Variants in PTPRM observed in about 807,000 individuals in gnomAD.
PTPRM encodes the protein receptor-type tyrosine-protein phosphatase mu.
Under a neutral mutation model 186.7 loss-of-function variants are expected in PTPRM, and 47 were observed. The ratio of observed to expected loss-of-function variants is 0.25; its 90% confidence interval spans 0.20 to 0.32. The LOEUF (loss-of-function observed/expected upper bound fraction) is 0.32, where lower values mean the gene tolerates loss of function less well. PTPRM is among the 10% of genes least tolerant of loss of function. PTPRM has a pLI of 1.00. For missense variants in PTPRM, 1,494 were observed against 1,865.0 expected, an observed-to-expected ratio of 0.80 and a Z score of 3.66; for synonymous variants, 668 against 674.9, an observed-to-expected ratio of 0.99 and a Z score of 0.16.
chr18:8,290,349 C>G (rs555346101), intron 19 of PTPRM, among the ~76,000 whole-genome samples: 35 of 152,250 alleles, frequency 2.3e-4, no homozygotes, highest in Non-Finnish European at 3.8e-4. Flanking sequence ...TATGTACGGC[C>G]TTGACCTGCA....
intron 7 of PTPRM, among the ~76,000 whole-genome samples, chr18:8,044,767 A>AG (rs986921826): frequency 6.6e-6 from 1 of 151,234 alleles, no homozygotes; most frequent in Non-Finnish European, 1.5e-5. Flanking sequence ...AAAAAAAAAA[A>AG]AAAAAAGAAA....
At chr18:8,018,712 C>G (rs1182728786) in intron 7 of PTPRM, among the ~76,000 whole-genome samples, 1 of 151,992 alleles carries the variant, frequency 6.6e-6, no homozygotes, top group African/African-American at 2.4e-5. Flanking sequence ...TTTCTTTCAA[C>G]CTTTATATAT....
intron 23 of PTPRM, among the ~76,000 whole-genome samples, chr18:8,346,764 C>T (rs1402232727): frequency 6.6e-6 from 1 of 151,320 alleles, no homozygotes; most frequent in Non-Finnish European, 1.5e-5. Context: ...TTGTTCCGCA[C>T]ACCAAATCTA....
At chr18:7,906,629 ATGTT>A (rs1567996066) in intron 4 of PTPRM, 46 bp downstream of exon 4, 9 of 1,409,316 alleles carry the variant, frequency 6.4e-6, no homozygotes, top group Non-Finnish European at 9.1e-6. Flanking sequence ...CATTGGGGGC[ATGTT>A]TACATTATGA....
chr18:7,648,727 G>A (rs1415563123), intron 1 of PTPRM, among the ~76,000 whole-genome samples: 1 of 152,208 alleles, frequency 6.6e-6, no homozygotes, highest in African/African-American at 2.4e-5. Context: ...CTGGAAGCTA[G>A]CAGAGTTTGG....
At chr18:8,270,373 G>A (rs954263729) in intron 19 of PTPRM, 1 of 152,038 alleles carries the variant, frequency 6.6e-6, no homozygotes, top group African/African-American at 2.4e-5. Context: ...AAACCACAAT[G>A]AGATATCACC....
intron 2 of PTPRM, among the ~76,000 whole-genome samples, chr18:7,781,733 T>A (rs191396775): frequency 6.6e-6 from 1 of 152,366 alleles, no homozygotes; most frequent in Non-Finnish European, 1.5e-5. Context: ...ACACATTTCC[T>A]TTATAACCAA....
At chr18:8,320,077 C>G (rs1369149385) in intron 22 of PTPRM, among the ~76,000 whole-genome samples, 1 of 152,062 alleles carries the variant, frequency 6.6e-6, no homozygotes, top group Non-Finnish European at 1.5e-5. Flanking sequence ...CAGAGAAGAC[C>G]CAGCTAAGGC....
chr18:8,348,320 C>T (rs2095516483), intron 23 of PTPRM, among the ~76,000 whole-genome samples: 1 of 152,240 alleles, frequency 6.6e-6, no homozygotes, highest in African/African-American at 2.4e-5. Context: ...GTTGGAGCCG[C>T]CAGGAGACCT....
At chr18:7,636,646 C>T (rs1170503213) in intron 1 of PTPRM, among the ~76,000 whole-genome samples, 9 of 152,024 alleles carry the variant, frequency 5.9e-5, no homozygotes, top group Middle Eastern at 3.2e-3. Flanking sequence ...ACAGAGGAGG[C>T]GCGTGCTACA....
chr18:7,705,305 A>ATCTGTCTGTCTGTCTG (rs1568040980), intron 1 of PTPRM, among the ~76,000 whole-genome samples: 31 of 151,454 alleles, frequency 2.0e-4, no homozygotes, highest in African/African-American at 7.1e-4. Flanking sequence ...CTATCTATCT[A>ATCTGTCTGTCTGTCTG]TCTATCTATC....
At chr18:8,114,700 T>C in intron 12 of PTPRM, 91 bp from the exon 13 acceptor site, 1 of 1,006,188 alleles carries the variant, frequency 9.9e-7, no homozygotes, top group Non-Finnish European at 1.5e-6. Context: ...GATCCTTCCT[T>C]ATCAGTGCTA....
rs183425674 is a variant in PTPRM, at chr18:8,214,544, A to G, written c.2301-29514A>G. ...ATAGTATTCTATGTTTTCTTTATCT[A>G]TTAATGGGTTTTTCTTCTTATCTGC... On this transcript the variant is annotated intron_variant, in intron 14 of 32. Transcript: ENST00000580170. Among the ~76,000 whole-genome samples the G allele has an allele frequency of 2.9e-3, 438 of 152,246 alleles. 4 individuals carry two copies. Among genetic ancestry groups the G allele is most frequent in the African/African-American group, 1.0e-2 (414 of 41,552 alleles).
intron 1 of PTPRM, among the ~76,000 whole-genome samples, chr18:7,647,587 A>T (rs1159167405): frequency 6.6e-6 from 1 of 152,280 alleles, no homozygotes; most frequent in Non-Finnish European, 1.5e-5. Context: ...TGATATAGTC[A>T]GAACTGCTCT....
intron 7 of PTPRM, among the ~76,000 whole-genome samples, chr18:7,980,186 TGAG>T (rs2082471280): frequency 6.6e-6 from 1 of 152,174 alleles, no homozygotes; most frequent in Admixed American, 6.5e-5. Context: ...GAATTGCCCT[TGAG>T]TCTTTCTACT....
In PTPRM at chr18:8,207,172, C is replaced by T. The variant is rs1463339237; in HGVS notation, c.2301-36886C>T. On this transcript the variant is annotated intron_variant, in intron 14 of 32. Coordinates refer to ENST00000580170, the MANE Select transcript of PTPRM (RefSeq NM_001105244.2). ...AGAATCCAAGTGGGACAGCCGAGGTCATGGGTGGATATGAAACTGTAGAGT... is the reference window on the plus strand; with the variant it reads ...AGAATCCAAGTGGGACAGCCGAGGTTATGGGTGGATATGAAACTGTAGAGT... Among the ~76,000 whole-genome samples the T allele has an allele frequency of 3.3e-5, 5 of 152,102 alleles. No individual in the cohort carries two copies. The East Asian group carries it at 9.6e-4, about 29-fold the overall frequency.
intron 2 of PTPRM, among the ~76,000 whole-genome samples, chr18:7,881,738 G>A (rs140338319): frequency 5.3e-5 from 8 of 152,256 alleles, no homozygotes; most frequent in Admixed American, 2.0e-4. Flanking sequence ...GCAGATGTAC[G>A]TGGTGATTCC....
chr18:7,805,204 C>A (rs1201516112), intron 2 of PTPRM, among the ~76,000 whole-genome samples: 3 of 152,206 alleles, frequency 2.0e-5, no homozygotes, highest in Non-Finnish European at 4.4e-5. Context: ...TTTTCTACTT[C>A]CATTTCCAGC....
chr18:8,290,342 G>A (rs2095028677), intron 19 of PTPRM, among the ~76,000 whole-genome samples: 1 of 152,120 alleles, frequency 6.6e-6, no homozygotes, highest in African/African-American at 2.4e-5. Context: ...TGCACATTAT[G>A]TACGGCCTTG....
Sources: gnomAD v4.1 joint callset for allele counts (sites outside exome capture counted in the v4.1 genomes callset) on GRCh38, gnomAD v4.1.1 for gene constraint, MANE v1.5 for transcripts, NCBI Gene and HGNC (gene_info 2026-07-23, HGNC 2026-07-21) for gene names.